ATXN7: variants seen among roughly 807,000 people sequenced by gnomAD.
ATXN7 encodes the protein ataxin-7.
A neutral mutation model predicts 70.5 loss-of-function variants in ATXN7; 12 were observed. The observed-to-expected ratio is 0.17, with a 90% CI of 0.11 to 0.28. ATXN7 has a LOEUF of 0.28. ATXN7 is among the 10% of genes least tolerant of loss of function. The probability of loss-of-function intolerance (pLI) is 1.00; values close to 1 mark genes in which losing one functional copy is unlikely to be tolerated. For synonymous variants in ATXN7, 498 were observed against 448.7 expected (o/e 1.11, Z -1.39); for missense variants, 1,256 against 1,131.7 (o/e 1.11, Z -1.58).
At chr3:63,907,196 G>A (rs1394670246) in intron 2 of ATXN7, among the ~76,000 whole-genome samples, 1 of 152,158 alleles carries the variant, frequency 6.6e-6, no homozygotes, top group Admixed American at 6.5e-5. Context: ...GAGGCTAAGT[G>A]ATTTCCCCAG....
intron 5 of ATXN7, among the ~76,000 whole-genome samples, chr3:63,970,327 C>A (rs1203780045): frequency 2.0e-5 from 3 of 151,958 alleles, no homozygotes; most frequent in Non-Finnish European, 4.4e-5. Context: ...GTTGCAGGAG[C>A]ATAAAAAGGG....
intron 2 of ATXN7, among the ~76,000 whole-genome samples, chr3:63,910,030 G>C (rs1288625167): frequency 1.3e-5 from 2 of 152,078 alleles, no homozygotes; most frequent in Non-Finnish European, 2.9e-5. Flanking sequence ...ATGCCAAGAG[G>C]ATACTTAATA....
At chr3:63,913,974 C>T (rs1384020302) in intron 4 of ATXN7, among the ~76,000 whole-genome samples, 9 of 152,108 alleles carry the variant, frequency 5.9e-5, no homozygotes, top group Admixed American at 5.2e-4. Context: ...TTGTCTAATA[C>T]CTGCACTAGG....
intron 1 of ATXN7, among the ~76,000 whole-genome samples, chr3:63,892,467 T>TCA (rs60819300): frequency 0.063 from 8,343 of 131,542 alleles, 349 homozygotes; most frequent in African/African-American, 0.12. Flanking sequence ...TATCGCTCCT[T>TCA]CACACACACA....
At chr3:63,963,523 C>T (rs1169987713) in intron 5 of ATXN7, among the ~76,000 whole-genome samples, 1 of 152,050 alleles carries the variant, frequency 6.6e-6, no homozygotes, top group African/African-American at 2.4e-5. Flanking sequence ...GTATATTTTT[C>T]TCATGCTTCT....
intron 4 of ATXN7, among the ~76,000 whole-genome samples, chr3:63,913,933 A>T (rs1212204995): frequency 6.6e-6 from 1 of 152,022 alleles, no homozygotes; most frequent in African/African-American, 2.4e-5. Flanking sequence ...TTTTCTTGAG[A>T]TTTTCTTTTT....
At chr3:63,871,906 T>A (rs1702605178) in intron 1 of ATXN7, among the ~76,000 whole-genome samples, 1 of 152,206 alleles carries the variant, frequency 6.6e-6, no homozygotes, top group African/African-American at 2.4e-5. Context: ...AATTATCAAT[T>A]AAATTGTTCC....
In ATXN7 at chr3:63,936,953, A is replaced by C. The variant is rs562491002; in HGVS notation, c.395-15426A>C. ...ATATTATCATTTTCAAATGACCACA[A>C]TCTAATTTGTAAGTGTTCTACAACT... On this transcript the variant is annotated intron_variant, in intron 4 of 12. Coordinates refer to ENST00000674280, the MANE Select transcript of ATXN7 (RefSeq NM_001377405.1). Among the ~76,000 whole-genome samples the C allele has an allele frequency of 5.3e-5, 8 of 152,340 alleles. No individual in the cohort carries two copies. The South Asian group carries it at 1.2e-3, about 24-fold the overall frequency.
chr3:63,905,399 C>CAATAATTAGCT, intron 2 of ATXN7: 1 of 98,852 alleles, frequency 1.0e-5, no homozygotes, highest in Non-Finnish European at 1.9e-5. Flanking sequence ...ACAGTAAAGA[C>CAATAATTAGCT]GGGGTTTCAC....
intron 8 of ATXN7, among the ~76,000 whole-genome samples, chr3:63,987,022 C>G (rs1381104412): frequency 6.6e-6 from 1 of 152,164 alleles, no homozygotes; most frequent in Non-Finnish European, 1.5e-5. Flanking sequence ...CATCTCCTTG[C>G]ATTTTTACAG....
At chr3:63,883,880 GT>G (rs1210475413) in intron 1 of ATXN7, among the ~76,000 whole-genome samples, 3 of 152,102 alleles carry the variant, frequency 2.0e-5, no homozygotes, top group Non-Finnish European at 4.4e-5. Flanking sequence ...CCTGGGGGAG[GT>G]TGATTAGGAT....
At chr3:63,991,111 G>C in intron 11 of ATXN7, 2 of 475,834 alleles carry the variant, frequency 4.2e-6, no homozygotes, top group Non-Finnish European at 7.6e-6. Flanking sequence ...GTTGGGATTG[G>C]GTAAGGGGAG....
intron 5 of ATXN7, among the ~76,000 whole-genome samples, chr3:63,969,348 G>C (rs1419403313): frequency 6.6e-6 from 1 of 152,134 alleles, no homozygotes; most frequent in Non-Finnish European, 1.5e-5. Context: ...ATTGTGACTG[G>C]CTCAGTGTAG....
chr3:63,901,251 A>G (rs1280064355), intron 2 of ATXN7: 6 of 152,212 alleles, frequency 3.9e-5, no homozygotes, highest in African/African-American at 1.4e-4. Context: ...ATTACTTCTC[A>G]TACTTATGTT....
chr3:63,992,115 C>T (rs1048917253), intron 11 of ATXN7, among the ~76,000 whole-genome samples: 1 of 152,182 alleles, frequency 6.6e-6, no homozygotes, highest in Non-Finnish European at 1.5e-5. Context: ...TGGACTCTGC[C>T]AGTACATTCA....
At chr3:63,973,095 G>A (rs940903544) in intron 5 of ATXN7, among the ~76,000 whole-genome samples, 2 of 152,182 alleles carry the variant, frequency 1.3e-5, no homozygotes, top group African/African-American at 2.4e-5. Flanking sequence ...CGCTGCCAAC[G>A]AGGATGGAGT....
At chr3:63,948,588 T>G (rs1233188092) in intron 4 of ATXN7, among the ~76,000 whole-genome samples, 1 of 152,180 alleles carries the variant, frequency 6.6e-6, no homozygotes, top group Admixed American at 6.5e-5. Flanking sequence ...GGTTTTCTTG[T>G]TACTGAACAA....
At chr3:63,894,401 C>G (rs1173331220) in intron 1 of ATXN7, among the ~76,000 whole-genome samples, 2 of 152,174 alleles carry the variant, frequency 1.3e-5, no homozygotes, top group Non-Finnish European at 2.9e-5. Context: ...GTGGACTTTT[C>G]CATTTGCAGT....
At position 63,964,073 on chromosome 3, in the gene ATXN7, A is replaced by AACAC. The variant is rs10557844; in HGVS notation, c.499+11623_499+11626dup. Among the ~76,000 whole-genome samples, 473 of 147,168 alleles carry AACAC rather than the reference A, an allele frequency of 3.2e-3. 4 individuals carry two copies. Among genetic ancestry groups the AACAC allele is most frequent in the Middle Eastern group, 6.9e-3 (2 of 288 alleles). On this transcript the variant is annotated intron_variant, in intron 5 of 12. Coordinates refer to ENST00000674280, the MANE Select transcript of ATXN7 (RefSeq NM_001377405.1). ...TCTTACAATGTTCCTTAGACACATA[A>AACAC]ACACACACACACACACACACACACA...
Sources: gnomAD v4.1 joint callset for allele counts (sites outside exome capture counted in the v4.1 genomes callset) on GRCh38, gnomAD v4.1.1 for gene constraint, MANE v1.5 for transcripts, NCBI Gene and HGNC (gene_info 2026-07-23, HGNC 2026-07-21) for gene names.